IDH2: variants seen among roughly 807,000 people sequenced by gnomAD.
IDH2 encodes isocitrate dehydrogenase [NADP], mitochondrial.
A neutral mutation model predicts 50.5 loss-of-function variants in IDH2; 18 were observed. The observed-to-expected ratio is 0.36, with a 90% CI of 0.25 to 0.53. The LOEUF is 0.53. Among genes scored for constraint, IDH2 ranks in the 20% least tolerant of loss-of-function variants. IDH2 has a pLI of 0.92. For missense variants in IDH2, 518 were observed against 610.7 expected (o/e 0.85, Z 1.60); for synonymous variants, 280 against 239.8 (o/e 1.17, Z -1.55).
Position 90,084,266 on chromosome 15 carries a change from C to A in IDH2, c.1359G>T (p.Ter453TyrextTer42). The A allele has an allele frequency of 6.2e-7, 1 of 1,613,780 alleles. No homozygotes were observed. The highest frequency in any genetic ancestry group is 1.3e-5 in the African/African-American group (1 of 75,050). Residue 453 changes from the stop codon to tyrosine, a stop_lost, in exon 11 of 11, where the codon TAG becomes TAT. Transcript: ENST00000330062. The surrounding 1 kb of genome is among the most constrained non-coding windows in gnomAD (Gnocchi z 5.0). ...SNLDRALGRQ[*>Y] Reference sequence around the variant, plus strand: ...CTGCAGCCATGGGTGGCGCCTCCCCCTACTGCCTGCCCAGGGCTCTGTCCA... The same window carrying A: ...CTGCAGCCATGGGTGGCGCCTCCCCATACTGCCTGCCCAGGGCTCTGTCCA...
rs1408802636 is a variant in IDH2, at chr15:90,100,422, G to C, written c.115+1854C>G. ...CACCCCAATCAGCTCTGGCAGGGCA[G>C]CTAGGGCCTTATCTGACGTGGCAGA... On this transcript the variant is annotated intron_variant, in intron 1 of 10. Transcript: ENST00000330062. The surrounding 1 kb of genome is among the most constrained non-coding windows in gnomAD (Gnocchi z 4.1). Among the ~76,000 whole-genome samples, 2 of 152,176 alleles carry C rather than the reference G, an allele frequency of 1.3e-5. No homozygotes were observed. Among genetic ancestry groups the C allele is most frequent in the Non-Finnish European group, 2.9e-5 (2 of 68,036 alleles).
chr15:90,091,485 C>T (rs1901034168), intron 2 of IDH2, 68 bp downstream of exon 2: 1 of 1,228,382 alleles, frequency 8.1e-7, no homozygotes, highest in South Asian at 1.2e-5. Context: ...GTCCAGAAGA[C>T]CCTGTGGGAC....
rs369401893 is a variant in IDH2, at chr15:90,084,921, G to A, written c.1179-13C>T. On this transcript the variant is annotated splice_polypyrimidine_tract_variant and intron_variant, in intron 9 of 10. Transcript: ENST00000330062. This position sits in a 1 kb window ranked among gnomAD's most constrained non-coding sequence, Gnocchi z 5.0. ...CATCTGGGCAAACCTATGGGGATGGGGCAGAATGAGACCCCATCTGTGCAA... is the reference window on the plus strand; with the variant it reads ...CATCTGGGCAAACCTATGGGGATGGAGCAGAATGAGACCCCATCTGTGCAA... The A allele has an allele frequency of 3.3e-5, 54 of 1,613,420 alleles. No homozygotes were observed. Among genetic ancestry groups the A allele is most frequent in the Non-Finnish European group, 4.2e-5 (49 of 1,179,596 alleles).
chr15:90,086,171 CA>C (rs1268654290), intron 7 of IDH2, among the ~76,000 whole-genome samples: 1 of 152,104 alleles, frequency 6.6e-6, no homozygotes, highest in Non-Finnish European at 1.5e-5. Flanking sequence ...AAAGTAAAGC[CA>C]AAGGTTTACA....
At position 90,084,774 on chromosome 15, in the gene IDH2, C is replaced by A. The variant is rs758111134; in HGVS notation, c.1271+42G>T. ...TTAGGAGGGGTCCCCTGGCTTCCTCCCACATGGCCCCAGGGTCTGCCTACC... is the reference window on the plus strand; with the variant it reads ...TTAGGAGGGGTCCCCTGGCTTCCTCACACATGGCCCCAGGGTCTGCCTACC... On this transcript the variant is annotated intron_variant, in intron 10 of 10. Coordinates refer to ENST00000330062, the MANE Select transcript of IDH2 (RefSeq NM_002168.4). This position sits in a 1 kb window ranked among gnomAD's most constrained non-coding sequence, Gnocchi z 5.0. 6.5e-7 allele frequency: 1 copy of A among 1,532,848 alleles called. No homozygotes were observed. Among genetic ancestry groups the A allele is most frequent in the East Asian group, 2.2e-5 (1 of 44,526 alleles). 95.0% of individuals were successfully genotyped at this position (1,532,848 alleles called of 1,614,324 possible).
chr15:90,089,729 C>A (rs1900982110), intron 3 of IDH2, among the ~76,000 whole-genome samples: 1 of 152,222 alleles, frequency 6.6e-6, no homozygotes, highest in Non-Finnish European at 1.5e-5. Context: ...ACTCCTCAAC[C>A]ATCCTTTCTC....
chr15:90,090,674 A>T (rs771249726), intron 2 of IDH2, 30 bp from the exon 3 acceptor site: 2 of 1,612,240 alleles, frequency 1.2e-6, no homozygotes, highest in African/African-American at 2.7e-5. Flanking sequence ...GCAAGGCGTC[A>T]CCCCAGTGAC....
chr15:90,098,887 C>T lies in IDH2; in HGVS notation c.115+3389G>A, dbSNP rs1901258884. ...GACTCCTTGGTGTCATCCTTCATTCCTTCCCTTCTCTCACATCCAAACCAC... is the reference window on the plus strand; with the variant it reads ...GACTCCTTGGTGTCATCCTTCATTCTTTCCCTTCTCTCACATCCAAACCAC... On this transcript the variant is annotated intron_variant, in intron 1 of 10. Transcript: ENST00000330062. This position sits in a 1 kb window ranked among gnomAD's most constrained non-coding sequence, Gnocchi z 5.1. 6.6e-6 allele frequency among the ~76,000 whole-genome samples: 1 copy of T among 152,096 alleles called. No homozygotes were observed. Among genetic ancestry groups the T allele is most frequent in the South Asian group, 2.1e-4 (1 of 4,824 alleles).
In IDH2 at chr15:90,084,235, C is replaced by A; in HGVS notation, c.*31G>T. The A allele has an allele frequency of 1.3e-6, 2 of 1,598,562 alleles. No individual in the cohort carries two copies. Among genetic ancestry groups the A allele is most frequent in the African/African-American group, 1.3e-5 (1 of 74,726 alleles). On this transcript the variant is annotated 3_prime_UTR_variant, in exon 11 of 11. Transcript: ENST00000330062. The surrounding 1 kb of genome is among the most constrained non-coding windows in gnomAD (Gnocchi z 5.0). ...AGGACCCGCCGGCTCAGCCCTGGCC[C>A]CTCCACTGCAGCCATGGGTGGCGCC...
chr15:90,094,221 C>T (rs2151553434), intron 1 of IDH2, among the ~76,000 whole-genome samples: 1 of 152,206 alleles, frequency 6.6e-6, no homozygotes, highest in Admixed American at 6.5e-5. Flanking sequence ...GCAGGAATAC[C>T]CAACAGTCTG....
rs890726049 is a variant in IDH2 at position 90,088,373 on chromosome 15, A to G, written c.664T>C (p.Tyr222His). ...FPAGGVGMGM[Y>H]NTDESISGFA... ...GCCAGCCTCACCTCGTCGGTGTTGT[A>G]CATGCCCATGCCCACGCCGCCTGCG... The change falls in exon 5 of 11, where the codon TAC (tyrosine) becomes CAC (histidine). Residue 222 changes from tyrosine (Y) to histidine (H), a missense_variant. Tyr to His is a moderately conservative substitution (Grantham distance 83). This residue lies in a region of IDH2 where 207 missense variants were observed against 208.6 expected (regional missense o/e 0.99). Transcript: ENST00000330062. 1 of 1,613,876 alleles carries G rather than the reference A, an allele frequency of 6.2e-7. No individual in the cohort carries two copies. Among genetic ancestry groups the G allele is most frequent in the East Asian group, 2.2e-5 (1 of 44,872 alleles).
intron 3 of IDH2, among the ~76,000 whole-genome samples, chr15:90,089,701 G>A (rs376154888): frequency 6.6e-6 from 1 of 152,198 alleles, no homozygotes; most frequent in Non-Finnish European, 1.5e-5. Flanking sequence ...TGGAAAGTAG[G>A]AAGAGAGAGC....
intron 3 of IDH2, among the ~76,000 whole-genome samples, chr15:90,089,629 G>A (rs1311156636): frequency 6.6e-6 from 1 of 152,246 alleles, no homozygotes; most frequent in Non-Finnish European, 1.5e-5. Flanking sequence ...CTGCAGGACA[G>A]GGGCAGGCCT....
chr15:90,090,533 A>T lies in IDH2; in HGVS notation c.319T>A (p.Tyr107Asn). ...TIDSALATQK[Y>N]SVAVKCATIT... is the part of the protein sequence containing the mutation. ...GTGGCACACTTGACAGCCACACTGT[A>T]CTTCTGGGTGGCCAGTGCAGAGTCA... is the stretch of plus-strand genomic sequence containing the variant. Residue 107 changes from tyrosine (Y) to asparagine (N), a missense_variant, in exon 3 of 11, where the codon TAC becomes AAC. By Grantham distance (143) the Tyr-to-Asn change is moderately radical. Around this residue, in one of 5 missense-constraint regions of IDH2, gnomAD observed 68 missense variants for 109.7 expected, o/e 0.62. Coordinates refer to ENST00000330062, the MANE Select transcript of IDH2 (RefSeq NM_002168.4). 1 of 1,614,050 alleles carries T rather than the reference A, an allele frequency of 6.2e-7. No homozygotes were observed. The highest frequency in any genetic ancestry group is 8.5e-7 in the Non-Finnish European group (1 of 1,180,012).
At chr15:90,087,054 T>C (rs778404157) in intron 7 of IDH2, 58 bp downstream of exon 7, 1 of 1,593,480 alleles carries the variant, frequency 6.3e-7, no homozygotes, top group East Asian at 2.2e-5. Flanking sequence ...TGAAAATCCC[T>C]CCAGCCAGAG....
Position 90,085,358 on chromosome 15 carries a change from C to T in IDH2, c.997G>A (p.Val333Ile), listed in dbSNP as rs61733005. The T allele has an allele frequency of 1.0e-5, 16 of 1,557,368 alleles. No homozygotes were observed. The highest frequency in any genetic ancestry group is 2.4e-5 in the South Asian group (2 of 84,562). Residue 333 changes from valine (V) to isoleucine (I), a missense_variant, in exon 8 of 11, where the codon GTC (valine) becomes ATC (isoleucine). Transcript: ENST00000330062. The surrounding 1 kb of genome is among the most constrained non-coding windows in gnomAD (Gnocchi z 5.5). ...GTCTTCCCATCAGGGCAGACCAGGACGGACGTCATCAGGCCAAGGGAGCCA... is the reference window on the plus strand; with the variant it reads ...GTCTTCCCATCAGGGCAGACCAGGATGGACGTCATCAGGCCAAGGGAGCCA... ...GFGSLGLMTS[V>I]LVCPDGKTIE...
At position 90,084,797 on chromosome 15, in the gene IDH2, A is replaced by G; in HGVS notation, c.1271+19T>C. 6.2e-7 allele frequency: 1 copy of G among 1,604,538 alleles called. No homozygotes were observed. Among genetic ancestry groups the G allele is most frequent in the Non-Finnish European group, 8.5e-7 (1 of 1,172,550 alleles). On this transcript the variant is annotated intron_variant, in intron 10 of 10. Transcript: ENST00000330062. The surrounding 1 kb of genome is among the most constrained non-coding windows in gnomAD (Gnocchi z 5.0). ...TCCCACATGGCCCCAGGGTCTGCCT[A>G]CCACCCCAGGCCACGCACTTGCTGA...
At chr15:90,089,877 G>C (rs1160218852) in intron 3 of IDH2, among the ~76,000 whole-genome samples, 1 of 152,146 alleles carries the variant, frequency 6.6e-6, no homozygotes, top group Non-Finnish European at 1.5e-5. Flanking sequence ...CATGACCATG[G>C]GGACAGAGGC....
At chr15:90,097,054 A>C (rs545301555) in intron 1 of IDH2, among the ~76,000 whole-genome samples, 14 of 152,362 alleles carry the variant, frequency 9.2e-5, no homozygotes, top group African/African-American at 2.2e-4. Context: ...CAATGTTCAC[A>C]ACAGCAAAAG....
Sources: allele counts gnomAD v4.1 joint callset (sites outside exome capture counted in the v4.1 genomes callset), GRCh38; gene constraint gnomAD v4.1.1; regional missense constraint gnomAD v4.1.1; non-coding constraint Gnocchi (gnomAD v3.1); transcripts MANE v1.5; gene names NCBI Gene and HGNC (gene_info 2026-07-23, HGNC 2026-07-21).